The following FGD3 variants were observed in gnomAD, a reference collection of about 807,000 sequenced individuals.
FGD3 encodes the protein FYVE, RhoGEF and PH domain containing 3.
In FGD3, 45 loss-of-function variants were observed where a neutral mutation model predicts 71.8. The ratio of observed to expected loss-of-function variants is 0.63; its 90% confidence interval spans 0.49 to 0.80. The LOEUF (loss-of-function observed/expected upper bound fraction) is 0.80. Among genes scored for constraint, FGD3 ranks in the 30% least tolerant of loss-of-function variants. The pLI is 0.00. For synonymous variants in FGD3, 378 were observed against 392.8 expected (o/e 0.96, Z 0.44); for missense variants, 844 against 951.5 (o/e 0.89, Z 1.49).
rs145239082 is a variant in FGD3 at position 92,959,622 on chromosome 9, C to G, written c.-218+11893C>G. ...CTCAGGAGGCTGAGATGGGAGGATC[C>G]CTCGAGCACAGGAGGTCGAGGCTAC... On this transcript the variant is annotated intron_variant, in intron 1 of 17. Coordinates refer to ENST00000375482, the MANE Select transcript of FGD3 (RefSeq NM_001083536.2). Among the ~76,000 whole-genome samples the G allele has an allele frequency of 5.0e-3, 742 of 149,210 alleles. 7 individuals carry two copies. The highest frequency in any genetic ancestry group is 0.018 in the African/African-American group (707 of 40,292).
chr9:92,985,993 G>C (rs1331035061), intron 3 of FGD3, among the ~76,000 whole-genome samples: 1 of 152,148 alleles, frequency 6.6e-6, no homozygotes, highest in African/African-American at 2.4e-5. Flanking sequence ...GAATGAACCA[G>C]TCTTACTGTG....
At chr9:93,012,461 G>T (rs1425874377) in intron 8 of FGD3, among the ~76,000 whole-genome samples, 3 of 152,058 alleles carry the variant, frequency 2.0e-5, no homozygotes, top group South Asian at 4.2e-4. Flanking sequence ...AGCCCTAAAT[G>T]GCCTGAGCCC....
intron 3 of FGD3, among the ~76,000 whole-genome samples, chr9:92,984,203 T>G (rs575464022): frequency 6.6e-6 from 1 of 152,354 alleles, no homozygotes; most frequent in Non-Finnish European, 1.5e-5. Context: ...ATTTTACAAC[T>G]TGCACTGACC....
chr9:92,991,837 T>G lies in FGD3; in HGVS notation c.454-11088T>G, dbSNP rs192818740. Reference sequence around the variant, plus strand: ...CTTTCTATATCTAGGTGCTCTAGTATTTGGTGCATATATATTTGCAATTAT... The same window carrying G: ...CTTTCTATATCTAGGTGCTCTAGTAGTTGGTGCATATATATTTGCAATTAT... On this transcript the variant is annotated intron_variant, in intron 3 of 17. Coordinates refer to ENST00000375482, the MANE Select transcript of FGD3 (RefSeq NM_001083536.2). Among the ~76,000 whole-genome samples the G allele has an allele frequency of 5.8e-3, 880 of 152,358 alleles. 5 individuals are homozygous for G. Among genetic ancestry groups the G allele is most frequent in the African/African-American group, 0.02 (838 of 41,572 alleles).
At chr9:92,958,370 A>G (rs1260833027) in intron 1 of FGD3, among the ~76,000 whole-genome samples, 1 of 152,178 alleles carries the variant, frequency 6.6e-6, no homozygotes. Flanking sequence ...GAGATTTCCC[A>G]TATATTCCCT....
Sources: gnomAD v4.1 joint callset for allele counts (sites outside exome capture counted in the v4.1 genomes callset) on GRCh38, gnomAD v4.1.1 for gene constraint, MANE v1.5 for transcripts, NCBI Gene and HGNC (gene_info 2026-07-23, HGNC 2026-07-21) for gene names.